The following ORC4 variants were observed in gnomAD, a reference collection of about 807,000 sequenced individuals.
ORC4 encodes the protein origin recognition complex, subunit 4 homolog.
ORC4 carries 55 observed loss-of-function variants against 63.9 expected under a neutral mutation model. The observed-to-expected ratio is 0.86, with a 90% CI of 0.69 to 1.08. The LOEUF (loss-of-function observed/expected upper bound fraction) is 1.08, where lower values mean the gene tolerates loss of function less well. Ranked by LOEUF, ORC4 falls within the 50% of genes least tolerant of loss-of-function variation. The pLI, the probability that ORC4 is intolerant of heterozygous loss-of-function variation, is 0.00. For synonymous variants in ORC4, 150 were observed against 168.5 expected, an observed-to-expected ratio of 0.89 and a Z score of 0.85; for missense variants, 511 against 504.4, an observed-to-expected ratio of 1.01 and a Z score of -0.13.
At chr2:147,970,412 A>G (rs1306259653) in intron 4 of ORC4, among the ~76,000 whole-genome samples, 1 of 152,162 alleles carries the variant, frequency 6.6e-6, no homozygotes, top group Non-Finnish European at 1.5e-5. Context: ...AGGTCAGAAG[A>G]CTGACAGTAC....
intron 8 of ORC4, among the ~76,000 whole-genome samples, chr2:147,949,543 G>C (rs528451848): frequency 6.6e-6 from 1 of 152,210 alleles, no homozygotes; most frequent in Admixed American, 6.5e-5. Flanking sequence ...TTAAATGAGT[G>C]AGTTGTATGG....
chr2:147,935,716 T>C lies in ORC4; in HGVS notation c.1123-18A>G. On this transcript the variant is annotated intron_variant, in intron 13 of 13. Transcript: ENST00000392857. ...TCAAAAGCCTGAAAGATGAAAGAAA[T>C]AGTTTAGGTTGAATAGGAGAGGAGA... 4 of 1,603,044 alleles carry C rather than the reference T, an allele frequency of 2.5e-6. No homozygotes were observed. The highest frequency in any genetic ancestry group is 3.4e-6 in the Non-Finnish European group (4 of 1,171,784).
intron 4 of ORC4, among the ~76,000 whole-genome samples, chr2:147,968,433 G>A (rs746688282): frequency 6.6e-6 from 1 of 151,868 alleles, no homozygotes; most frequent in Non-Finnish European, 1.5e-5. Flanking sequence ...AGGAACTCCA[G>A]TATCTCAAAA....
chr2:148,017,422 A>T (rs1693373909), intron 1 of ORC4, among the ~76,000 whole-genome samples: 1 of 152,236 alleles, frequency 6.6e-6, no homozygotes, highest in South Asian at 2.1e-4. Context: ...CTGTGATCCC[A>T]TCACTTTGGA....
intron 13 of ORC4, chr2:147,937,925 C>T (rs1441826713): frequency 1.7e-6 from 1 of 592,338 alleles, no homozygotes; most frequent in Non-Finnish European, 3.0e-6. Context: ...TGCAAGTGCT[C>T]TGAAGAGACA....
At position 147,938,335 on chromosome 2, in the gene ORC4, A is replaced by G. The variant is rs762857368; in HGVS notation, c.1017T>C (p.Tyr339=). 1.2e-6 allele frequency: 2 copies of G among 1,608,652 alleles called. No homozygotes were observed. The highest frequency in any genetic ancestry group is 1.7e-6 in the Non-Finnish European group (2 of 1,176,314). Residue 339 remains tyrosine (Y), a synonymous_variant, in exon 12 of 14, where the codon TAT becomes TAC. Transcript: ENST00000392857. ...TTTGAAAATTAAATGGCTCTTCCTC[A>G]TAGATGTCATTTAAATGTTTCATTG... The part of the protein sequence containing the change: ...IIAMKHLNDI[Y]EEEPFNFQMV...
intron 1 of ORC4, among the ~76,000 whole-genome samples, chr2:147,987,283 C>T (rs1189430554): frequency 6.7e-6 from 1 of 150,346 alleles, no homozygotes; most frequent in Non-Finnish European, 1.5e-5. Flanking sequence ...TACACACACA[C>T]ATACTTTTTC....
intron 4 of ORC4, among the ~76,000 whole-genome samples, chr2:147,968,158 A>G (rs558943572): frequency 2.0e-5 from 3 of 152,170 alleles, no homozygotes; most frequent in Non-Finnish European, 2.9e-5. Context: ...TAGATCAAAG[A>G]CCTCAATGTT....
chr2:148,005,598 A>G (rs1042841269), intron 1 of ORC4, among the ~76,000 whole-genome samples: 1 of 149,342 alleles, frequency 6.7e-6, no homozygotes, highest in African/African-American at 2.4e-5. Context: ...AGATTGCTGA[A>G]GAGAATCCCC....
intron 1 of ORC4, among the ~76,000 whole-genome samples, chr2:148,017,410 G>C (rs188494357): frequency 2.0e-4 from 31 of 152,278 alleles, no homozygotes; most frequent in African/African-American, 7.5e-4. Flanking sequence ...AGTGGCTCAC[G>C]TCTGTGATCC....
intron 7 of ORC4, among the ~76,000 whole-genome samples, chr2:147,953,512 T>C (rs1217907467): frequency 1.3e-5 from 2 of 152,198 alleles, no homozygotes; most frequent in Non-Finnish European, 2.9e-5. Context: ...GAGTCACTAA[T>C]TAATGAACAA....
At chr2:147,935,930 A>T (rs777134521) in intron 13 of ORC4, among the ~76,000 whole-genome samples, 2 of 152,150 alleles carry the variant, frequency 1.3e-5, no homozygotes, top group Non-Finnish European at 2.9e-5. Flanking sequence ...GTTGAATGTA[A>T]ACACGGCAAA....
intron 1 of ORC4, among the ~76,000 whole-genome samples, chr2:147,984,016 C>G (rs1691047041): frequency 1.3e-5 from 2 of 152,316 alleles, no homozygotes; most frequent in African/African-American, 4.8e-5. Flanking sequence ...CAAGACTACT[C>G]TTGACTTCTT....
intron 1 of ORC4, among the ~76,000 whole-genome samples, chr2:147,987,671 A>AT (rs1691300889): frequency 1.3e-5 from 2 of 152,136 alleles, no homozygotes. Flanking sequence ...GTCCAAGCAC[A>AT]GGTCAAAGAG....
At chr2:148,002,799 C>T (rs1043588977) in intron 1 of ORC4, among the ~76,000 whole-genome samples, 1 of 151,948 alleles carries the variant, frequency 6.6e-6, no homozygotes, top group African/African-American at 2.4e-5. Context: ...ACAAAAACCC[C>T]CTCAAAAAAA....
intron 1 of ORC4, among the ~76,000 whole-genome samples, chr2:147,979,553 T>C (rs182546266): frequency 3.3e-5 from 5 of 152,296 alleles, no homozygotes; most frequent in Admixed American, 2.6e-4. Context: ...AAAATTCTAA[T>C]GACATTTTTC....
At chr2:147,993,818 T>A (rs1691773274) in intron 1 of ORC4, among the ~76,000 whole-genome samples, 1 of 152,222 alleles carries the variant, frequency 6.6e-6, no homozygotes, top group African/African-American at 2.4e-5. Flanking sequence ...GTTAAAAGGC[T>A]ATCAATGGGA....
chr2:148,021,276 TGA>T (rs1170650519), upstream of ORC4: 2 of 353,918 alleles, frequency 5.7e-6, no homozygotes, highest in Admixed American at 7.2e-5. Flanking sequence ...CCCTGAGCCC[TGA>T]GAGGGGGATT....
intron 1 of ORC4, among the ~76,000 whole-genome samples, chr2:148,010,711 T>C (rs1323103700): frequency 1.3e-5 from 2 of 151,990 alleles, no homozygotes; most frequent in African/African-American, 4.8e-5. Flanking sequence ...AAGTCCCCCA[T>C]CACAGAAAAG....
Sources: allele counts gnomAD v4.1 joint callset (sites outside exome capture counted in the v4.1 genomes callset), GRCh38; gene constraint gnomAD v4.1.1; transcripts MANE v1.5; gene names NCBI Gene and HGNC (gene_info 2026-07-23, HGNC 2026-07-21).